The following GNG5 variants were observed in gnomAD, a reference collection of about 807,000 sequenced individuals.
The protein encoded by GNG5 is G protein subunit gamma 5.
A neutral mutation model predicts 6.2 loss-of-function variants in GNG5; 2 were observed. That is an observed-to-expected ratio of 0.32 (90% CI 0.13 to 1.01). The LOEUF (loss-of-function observed/expected upper bound fraction) is 1.01. Ranked by LOEUF, GNG5 falls within the 50% of genes least tolerant of loss-of-function variation. The pLI is 0.48. For synonymous variants in GNG5, 24 were observed against 33.0 expected (o/e 0.73, Z 0.93); for missense variants, 57 against 80.2 (o/e 0.71, Z 1.10).
chr1:84,502,815 C>T (rs1182666558), intron 2 of GNG5, among the ~76,000 whole-genome samples: 1 of 152,086 alleles, frequency 6.6e-6, no homozygotes, highest in African/African-American at 2.4e-5. Context: ...TTTATCAGAC[C>T]CTTATACTGT....
intron 2 of GNG5, among the ~76,000 whole-genome samples, chr1:84,505,656 A>G (rs550204326): frequency 1.3e-5 from 2 of 152,348 alleles, no homozygotes; most frequent in Admixed American, 1.3e-4. Flanking sequence ...TGGGAAAGGA[A>G]GGGTGCGGAC....
chr1:84,505,337 C>G (rs1216321889), intron 2 of GNG5, among the ~76,000 whole-genome samples: 1 of 152,184 alleles, frequency 6.6e-6, no homozygotes, highest in African/African-American at 2.4e-5. Flanking sequence ...GCGGACCAGT[C>G]GATATCCCCA....
rs1040843276 is a variant in GNG5, at chr1:84,506,153, G to C, written c.-62C>G. 1.9e-5 allele frequency: 26 copies of C among 1,403,768 alleles called. No homozygotes were observed. The highest frequency in any genetic ancestry group is 2.1e-5 in the Non-Finnish European group (22 of 1,029,464). The allele number at this position is 1,403,768 out of a possible 1,614,324, so 87.0% of individuals were successfully genotyped here. A position where few individuals can be genotyped will look rare whatever the true frequency, so the allele number is the denominator to read the frequency against. ...GGGTCGTGGGCCGTGGGTCGGCGGG[G>C]CCAGACAACTCAGCGGCGCGCGGCG... is the stretch of plus-strand genomic sequence containing the variant. On this transcript the variant is annotated 5_prime_UTR_variant, in exon 2 of 4. Transcript: ENST00000370645.
intron 3 of GNG5, among the ~76,000 whole-genome samples, chr1:84,499,344 T>C (rs1682005102): frequency 6.6e-6 from 1 of 152,194 alleles, no homozygotes; most frequent in Non-Finnish European, 1.5e-5. Flanking sequence ...AGACTAAGGT[T>C]TGTTAGGACT....
intron 3 of GNG5, among the ~76,000 whole-genome samples, chr1:84,500,427 C>G (rs1377829477): frequency 6.6e-6 from 1 of 152,144 alleles, no homozygotes; most frequent in Non-Finnish European, 1.5e-5. Flanking sequence ...AAACACTTAT[C>G]TGTAGATTCC....
At position 84,498,384 on chromosome 1, in the gene GNG5, T is replaced by C. The variant is rs1681983418; in HGVS notation, c.*184A>G. 6.6e-6 allele frequency: 1 copy of C among 152,646 alleles called. No homozygotes were observed. The highest frequency in any genetic ancestry group is 1.5e-5 in the Non-Finnish European group (1 of 68,028). The allele number at this position is 152,646 out of a possible 1,614,324, so 9.5% of individuals were successfully genotyped here. A position where few individuals can be genotyped will look rare whatever the true frequency, so the allele number is the denominator to read the frequency against. On this transcript the variant is annotated 3_prime_UTR_variant, in exon 4 of 4. Transcript: ENST00000370645. ...CCAGTGTATATAAAACAATTACCCT[T>C]GTGAAATAGAAATTCATGAAAATTC...
rs374965713 is a variant in GNG5 at position 84,501,827 on chromosome 1, T to C, written c.*18A>G. The C allele has an allele frequency of 8.8e-6, 14 of 1,597,400 alleles. No individual in the cohort carries two copies. The highest frequency in any genetic ancestry group is 1.2e-5 in the Non-Finnish European group (14 of 1,166,570). On this transcript the variant is annotated splice_region_variant and 3_prime_UTR_variant, in exon 3 of 4. Transcript: ENST00000370645. ...TGTTTTAAATTTAAGGAAACTTACC[T>C]TTGAAAGATTCATTTTACTACAAAA...
intron 3 of GNG5, among the ~76,000 whole-genome samples, chr1:84,500,060 C>G (rs1351635220): frequency 1.3e-5 from 2 of 152,134 alleles, no homozygotes; most frequent in Non-Finnish European, 2.9e-5. Flanking sequence ...CCACTGCACT[C>G]CAGTGATAAA....
chr1:84,500,455 A>C (rs1284636567), intron 3 of GNG5, among the ~76,000 whole-genome samples: 3 of 152,210 alleles, frequency 2.0e-5, no homozygotes, highest in African/African-American at 7.2e-5. Flanking sequence ...TAAAACTATT[A>C]ACAGCTGCCC....
chr1:84,500,626 T>G (rs1682039162), intron 3 of GNG5, among the ~76,000 whole-genome samples: 1 of 152,208 alleles, frequency 6.6e-6, no homozygotes, highest in South Asian at 2.1e-4. Flanking sequence ...AATAAACTGT[T>G]AAATATGAAA....
intron 2 of GNG5, 79 bp downstream of exon 2, chr1:84,505,932 C>G (rs980779259): frequency 8.8e-6 from 9 of 1,023,712 alleles, no homozygotes; most frequent in African/African-American, 5.1e-5. Flanking sequence ...CGTGTCCCGC[C>G]CGCCCCCGCC....
At position 84,506,113 on chromosome 1, in the gene GNG5, G is replaced by T; in HGVS notation, c.-22C>A. Reference sequence around the variant, plus strand: ...ACATGGTGCACGCGACGGCCGGGCCGATTCGTGGGTCGGTGGGTCGTGGGC... The same window carrying T: ...ACATGGTGCACGCGACGGCCGGGCCTATTCGTGGGTCGGTGGGTCGTGGGC... On this transcript the variant is annotated 5_prime_UTR_variant, in exon 2 of 4. Transcript: ENST00000370645. The T allele has an allele frequency of 3.2e-6, 5 of 1,567,672 alleles. No individual in the cohort carries two copies. The highest frequency in any genetic ancestry group is 3.5e-6 in the Non-Finnish European group (4 of 1,157,812).
At position 84,506,119 on chromosome 1, in the gene GNG5, T is replaced by G. The variant is rs766038067; in HGVS notation, c.-28A>C. 3 of 1,562,302 alleles carry G rather than the reference T, an allele frequency of 1.9e-6. No individual in the cohort carries two copies. Among genetic ancestry groups the G allele is most frequent in the African/African-American group, 2.8e-5 (2 of 71,032 alleles). On this transcript the variant is annotated 5_prime_UTR_variant, in exon 2 of 4. Coordinates refer to ENST00000370645, the MANE Select transcript of GNG5 (RefSeq NM_005274.3). Reference sequence around the variant, plus strand: ...TGCACGCGACGGCCGGGCCGATTCGTGGGTCGGTGGGTCGTGGGCCGTGGG... The same window carrying G: ...TGCACGCGACGGCCGGGCCGATTCGGGGGTCGGTGGGTCGTGGGCCGTGGG...
intron 2 of GNG5, among the ~76,000 whole-genome samples, chr1:84,503,053 T>C (rs983109923): frequency 1.4e-4 from 21 of 152,200 alleles, no homozygotes; most frequent in African/African-American, 5.1e-4. Context: ...AACTGTTAAA[T>C]TGAAGTTTGC....
chr1:84,503,001 A>C (rs796665546), intron 2 of GNG5, among the ~76,000 whole-genome samples: 38 of 152,354 alleles, frequency 2.5e-4, no homozygotes, highest in African/African-American at 8.9e-4. Flanking sequence ...CACTTAAATC[A>C]TATTTAAGGC....
intron 2 of GNG5, among the ~76,000 whole-genome samples, chr1:84,503,015 A>G (rs951817618): frequency 6.6e-6 from 1 of 152,264 alleles, no homozygotes; most frequent in Non-Finnish European, 1.5e-5. Flanking sequence ...TTAAGGCAAT[A>G]GTTTCTTAAA....
In GNG5 at chr1:84,506,049, G is replaced by C. The variant is rs1014616397; in HGVS notation, c.43C>G (p.Gln15Glu). The C allele has an allele frequency of 5.1e-6, 8 of 1,577,650 alleles. No homozygotes were observed. The highest frequency in any genetic ancestry group is 6.9e-6 in the Non-Finnish European group (8 of 1,164,152). ...AGTCCGGCCTCCAGCCGGAGCTGTT[G>C]AACCACTTTCTTCATAGCGGCGACG... ...SSVAAMKKVV[Q>E]QLRLEAGLNR... The change falls in exon 2 of 4, where the codon CAA (glutamine) becomes GAA (glutamate). Residue 15 changes from glutamine to glutamate, a missense_variant. By Grantham distance (29) the Gln-to-Glu change is conservative. Transcript: ENST00000370645.
intron 3 of GNG5, among the ~76,000 whole-genome samples, chr1:84,499,176 TAAA>T (rs906028232): frequency 2.0e-5 from 3 of 152,114 alleles, no homozygotes; most frequent in African/African-American, 7.2e-5. Context: ...AACAGTGTAC[TAAA>T]AAATTAAAAC....
At chr1:84,505,375 A>AGGTATGAAATGCACGCTTTGTTCGAGG (rs2101893968) in intron 2 of GNG5, among the ~76,000 whole-genome samples, 1 of 152,328 alleles carries the variant, frequency 6.6e-6, no homozygotes, top group South Asian at 2.1e-4. Flanking sequence ...ACTGTGCCAT[A>AGGTATGAAATGCACGCTTTGTTCGAGG]GGTATGAAAT....
Sources: gnomAD v4.1 joint callset for allele counts (sites outside exome capture counted in the v4.1 genomes callset) on GRCh38, gnomAD v4.1.1 for gene constraint, MANE v1.5 for transcripts, NCBI Gene and HGNC (gene_info 2026-07-23, HGNC 2026-07-21) for gene names.